Variants in TLK1 observed in about 807,000 individuals in gnomAD.
The protein encoded by TLK1 is tousled like kinase 1.
In TLK1, 24 loss-of-function variants were observed where a neutral mutation model predicts 105.3. That is an observed-to-expected ratio of 0.23 (90% confidence interval 0.17 to 0.32). The LOEUF (loss-of-function observed/expected upper bound fraction) is 0.32, where lower values mean the gene tolerates loss of function less well. Among genes scored for constraint, TLK1 ranks in the 10% least tolerant of loss-of-function variants. The probability of loss-of-function intolerance (pLI) is 1.00; values close to 1 mark genes in which losing one functional copy is unlikely to be tolerated. For missense variants in TLK1, 558 were observed against 910.5 expected, an observed-to-expected ratio of 0.61 and a Z score of 4.98; for synonymous variants, 321 against 310.4, an observed-to-expected ratio of 1.03 and a Z score of -0.36.
chr2:171,058,326 C>T, intron 4 of TLK1, 129 bp from the exon 5 acceptor site: 3 of 805,950 alleles, frequency 3.7e-6, no homozygotes, highest in Non-Finnish European at 6.0e-6. Flanking sequence ...TAGAGACATG[C>T]CAATTTTTAA....
chr2:171,098,142 A>T (rs1294658068), intron 2 of TLK1, among the ~76,000 whole-genome samples: 1 of 152,140 alleles, frequency 6.6e-6, no homozygotes, highest in Non-Finnish European at 1.5e-5. Context: ...AAGGGTACAA[A>T]GGTTCATCTA....
chr2:171,184,861 T>A (rs1692995900), intron 1 of TLK1, among the ~76,000 whole-genome samples: 1 of 148,634 alleles, frequency 6.7e-6, no homozygotes, highest in Non-Finnish European at 1.5e-5. Flanking sequence ...TTGTTTGAGA[T>A]GGAGTCTTGC....
chr2:171,182,922 CAAA>C lies in TLK1; in HGVS notation c.-6+48220_-6+48222del, dbSNP rs756752409. Among the ~76,000 whole-genome samples the C allele has an allele frequency of 1.5e-3, 90 of 61,438 alleles. 2 individuals carry two copies. Among genetic ancestry groups the C allele is most frequent in the African/African-American group, 3.8e-3 (79 of 20,740 alleles). 40.3% of individuals were successfully genotyped at this position (61,438 alleles called of 152,430 possible). ...GGGTGACAGGTCAAAACCCTGACTC[CAAA>C]AAAAAAAAAAAAAGAAAGAAAGAAA... is the stretch of plus-strand genomic sequence containing the variant. On this transcript the variant is annotated intron_variant, in intron 1 of 20. Transcript: ENST00000521943.
chr2:171,171,704 A>T (rs1016709261), intron 1 of TLK1, among the ~76,000 whole-genome samples: 4 of 152,236 alleles, frequency 2.6e-5, no homozygotes, highest in African/African-American at 7.2e-5. Context: ...ATGCAAAAAA[A>T]AATGCTAAAT....
In TLK1 at chr2:170,992,265, C is replaced by CA. The variant is rs1291436275; in HGVS notation, c.*1514dup. On this transcript the variant is annotated 3_prime_UTR_variant, in exon 21 of 21. Coordinates refer to ENST00000431350, the MANE Select transcript of TLK1 (RefSeq NM_012290.5). ...AATGTGTCTATGTACAATGAAAAAACAAAATGGCTTGCAACATCAGAAATA... is the reference window on the plus strand; with the variant it reads ...AATGTGTCTATGTACAATGAAAAAACAAAAATGGCTTGCAACATCAGAAATA... The CA allele has an allele frequency of 6.6e-5, 10 of 152,080 alleles. No homozygotes were observed. Among genetic ancestry groups the CA allele is most frequent in the Non-Finnish European group, 1.3e-4 (9 of 67,978 alleles). 9.4% of individuals were successfully genotyped at this position (152,080 alleles called of 1,614,324 possible). A position where few individuals can be genotyped will look rare whatever the true frequency, so the allele number is the denominator to read the frequency against.
chr2:171,213,778 T>A (rs1693662859), intron 1 of TLK1, among the ~76,000 whole-genome samples: 1 of 145,166 alleles, frequency 6.9e-6, no homozygotes, highest in African/African-American at 2.5e-5. Context: ...GCTAGAATGC[T>A]ATGGCATGAT....
At chr2:171,108,604 A>AT (rs1201608296) in intron 2 of TLK1, among the ~76,000 whole-genome samples, 323 of 147,470 alleles carry the variant, frequency 2.2e-3, no homozygotes, top group African/African-American at 6.6e-3. Context: ...AATGCATTTA[A>AT]TTTTTTTTTT....
intron 11 of TLK1, 180 bp downstream of exon 11, chr2:171,045,994 A>T (rs1686945525): frequency 2.0e-6 from 1 of 503,564 alleles, no homozygotes; most frequent in Non-Finnish European, 3.3e-6. Flanking sequence ...ATCTCTGCTT[A>T]AAACGGTAGA....
intron 2 of TLK1, among the ~76,000 whole-genome samples, chr2:171,091,293 G>A (rs1689219247): frequency 6.6e-6 from 1 of 151,980 alleles, no homozygotes; most frequent in Non-Finnish European, 1.5e-5. Flanking sequence ...GAGCTATATG[G>A]GTTAAGAGGG....
chr2:171,151,821 A>G (rs530291569), intron 1 of TLK1, among the ~76,000 whole-genome samples: 1 of 152,216 alleles, frequency 6.6e-6, no homozygotes, highest in Admixed American at 6.5e-5. Flanking sequence ...AGTAAATGAA[A>G]TAAGTAACAG....
upstream of TLK1, among the ~76,000 whole-genome samples, chr2:171,161,812 A>G (rs192910971): frequency 4.6e-5 from 7 of 152,264 alleles, no homozygotes; most frequent in South Asian, 4.1e-4. Context: ...GTAGCTTTCT[A>G]CAGACCCACA....
intron 1 of TLK1, among the ~76,000 whole-genome samples, chr2:171,220,741 G>C (rs1575663769): frequency 6.6e-6 from 1 of 151,562 alleles, no homozygotes; most frequent in Non-Finnish European, 1.5e-5. Flanking sequence ...GAGTCATTAA[G>C]TTGGGAAGGT....
chr2:171,011,237 G>A (rs1684901631), intron 14 of TLK1, 136 bp downstream of exon 14: 2 of 636,034 alleles, frequency 3.1e-6, no homozygotes, highest in Non-Finnish European at 4.9e-6. Context: ...CTGGCCTCAG[G>A]CACCCTCCCA....
intron 3 of TLK1, among the ~76,000 whole-genome samples, chr2:171,070,756 A>G (rs1162299378): frequency 6.6e-6 from 1 of 152,150 alleles, no homozygotes; most frequent in African/African-American, 2.4e-5. Flanking sequence ...TCTCTTTGAT[A>G]TATCAATTTC....
chr2:170,998,238 C>T (rs2105351775), intron 18 of TLK1, among the ~76,000 whole-genome samples: 1 of 152,298 alleles, frequency 6.6e-6, no homozygotes, highest in Middle Eastern at 3.4e-3. Flanking sequence ...CACTTCTCTC[C>T]CTAAAATATA....
intron 14 of TLK1, 83 bp from the exon 15 acceptor site, chr2:171,007,146 T>TG: frequency 8.6e-7 from 1 of 1,164,206 alleles, no homozygotes; most frequent in Non-Finnish European, 1.2e-6. Flanking sequence ...TGATAATTTT[T>TG]GCAATAATAT....
At chr2:171,047,400 T>G in intron 10 of TLK1, among the ~76,000 whole-genome samples, 1 of 152,172 alleles carries the variant, frequency 6.6e-6, no homozygotes, top group East Asian at 1.9e-4. Flanking sequence ...TTTCATGCCC[T>G]CCTCTCCCCA....
Position 171,061,071 on chromosome 2 carries a change from A to T in TLK1, c.406+10T>A, listed in dbSNP as rs138166434. ...CCACTAGGCTCTGAAGGAAGATGTT[A>T]TGTGCTTACCCTGACTACTTTCATT... is the stretch of plus-strand genomic sequence containing the variant. On this transcript the variant is annotated intron_variant, in intron 4 of 20. Coordinates refer to ENST00000431350, the MANE Select transcript of TLK1 (RefSeq NM_012290.5). 1.8e-5 allele frequency: 29 copies of T among 1,612,628 alleles called. No homozygotes were observed. In the Admixed American group the frequency reaches 2.2e-4, roughly 12 times the overall value.
chr2:171,069,950 A>C (rs1320827259), intron 3 of TLK1, among the ~76,000 whole-genome samples: 1 of 152,140 alleles, frequency 6.6e-6, no homozygotes, highest in African/African-American at 2.4e-5. Context: ...TTGTAGATAC[A>C]CTCATCCTGA....
Sources: allele counts gnomAD v4.1 joint callset (sites outside exome capture counted in the v4.1 genomes callset), GRCh38; gene constraint gnomAD v4.1.1; transcripts MANE v1.5; gene names NCBI Gene and HGNC (gene_info 2026-07-23, HGNC 2026-07-21).